The following UNC5D variants were observed in gnomAD, a reference collection of about 807,000 sequenced individuals.
The protein encoded by UNC5D is unc-5 netrin receptor D.
UNC5D carries 39 observed loss-of-function variants against 105.4 expected under a neutral mutation model. That is an observed-to-expected ratio of 0.37 (90% confidence interval 0.29 to 0.48). The LOEUF is 0.48. Among genes scored for constraint, UNC5D ranks in the 20% least tolerant of loss-of-function variants. UNC5D has a pLI of 0.98. For missense variants in UNC5D, 991 were observed against 1,202.4 expected, an observed-to-expected ratio of 0.82 and a Z score of 2.60; for synonymous variants, 452 against 450.4, an observed-to-expected ratio of 1.00 and a Z score of -0.04.
intron 2 of UNC5D, among the ~76,000 whole-genome samples, chr8:35,559,209 C>T (rs1356556494): frequency 2.6e-5 from 4 of 152,018 alleles, no homozygotes; most frequent in South Asian, 2.1e-4. Context: ...GAAAAGGTCC[C>T]GGAAAACAGG....
At chr8:35,648,020 T>C (rs1823166235) in intron 4 of UNC5D, among the ~76,000 whole-genome samples, 1 of 152,180 alleles carries the variant, frequency 6.6e-6, no homozygotes, top group African/African-American at 2.4e-5. Flanking sequence ...TGAAGTCAAC[T>C]GATGGCTACG....
chr8:35,247,496 A>G (rs1474425349), intron 1 of UNC5D, among the ~76,000 whole-genome samples: 2 of 135,382 alleles, frequency 1.5e-5, no homozygotes, highest in Non-Finnish European at 3.0e-5. Context: ...ATCTACTAGG[A>G]GATCCTAAAT....
At chr8:35,280,774 A>T (rs1806093459) in intron 1 of UNC5D, among the ~76,000 whole-genome samples, 1 of 152,124 alleles carries the variant, frequency 6.6e-6, no homozygotes, top group Non-Finnish European at 1.5e-5. Flanking sequence ...TGCCTGAAAG[A>T]GTGTATTTCA....
At chr8:35,270,230 T>C (rs1156608800) in intron 1 of UNC5D, among the ~76,000 whole-genome samples, 1 of 152,160 alleles carries the variant, frequency 6.6e-6, no homozygotes, top group Non-Finnish European at 1.5e-5. Context: ...ACCTAGTGGA[T>C]GCTTGAGTGT....
chr8:35,529,796 A>T (rs1237531926), intron 1 of UNC5D, among the ~76,000 whole-genome samples: 10 of 134,786 alleles, frequency 7.4e-5, no homozygotes, highest in African/African-American at 2.8e-4. Flanking sequence ...TAGGTATTTT[A>T]TTCTCTTTGA....
At chr8:35,758,825 C>A (rs80293089) in intron 13 of UNC5D, among the ~76,000 whole-genome samples, 6,655 of 152,212 alleles carry the variant, frequency 0.044, 370 homozygotes, top group African/African-American at 0.13. Flanking sequence ...GATACATGCA[C>A]ACTGGGACAT....
At position 35,774,926 on chromosome 8, in the gene UNC5D, C is replaced by CAAAAAAAAAA. The variant is rs548702956; in HGVS notation, c.2657+455_2657+464dup. 2.8e-4 allele frequency among the ~76,000 whole-genome samples: 34 copies of CAAAAAAAAAA among 120,368 alleles called. 1 individual carries two copies. The highest frequency in any genetic ancestry group is 1.1e-3 in the African/African-American group (30 of 26,596). 79.0% of individuals were successfully genotyped at this position (120,368 alleles called of 152,430 possible). A position where few individuals can be genotyped will look rare whatever the true frequency, so the allele number is the denominator to read the frequency against. On this transcript the variant is annotated intron_variant, in intron 16 of 16. Coordinates refer to ENST00000404895, the MANE Select transcript of UNC5D (RefSeq NM_080872.4). ...TGGGCAACAGAGTAAGACCCTCCTC[C>CAAAAAAAAAA]AAAAAAAAAAAAAAAGACACTCTGT...
At chr8:35,516,686 T>G (rs1408054142) in intron 1 of UNC5D, among the ~76,000 whole-genome samples, 1 of 152,220 alleles carries the variant, frequency 6.6e-6, no homozygotes, top group Non-Finnish European at 1.5e-5. Flanking sequence ...CCCTTCAACC[T>G]CAGTCTCTGG....
intron 1 of UNC5D, among the ~76,000 whole-genome samples, chr8:35,419,614 C>T (rs772649164): frequency 2.6e-5 from 4 of 152,158 alleles, no homozygotes; most frequent in Non-Finnish European, 5.9e-5. Context: ...CCACCCACAG[C>T]GCAGTGGATG....
chr8:35,579,723 A>G (rs910933635), intron 3 of UNC5D, among the ~76,000 whole-genome samples: 1 of 152,206 alleles, frequency 6.6e-6, no homozygotes, highest in Non-Finnish European at 1.5e-5. Context: ...AGAAGTGAAC[A>G]GGACAAATTA....
chr8:35,618,165 C>T (rs548093105), intron 4 of UNC5D, among the ~76,000 whole-genome samples: 1 of 152,308 alleles, frequency 6.6e-6, no homozygotes, highest in Admixed American at 6.5e-5. Context: ...ACCACCAGAA[C>T]TTGACAAGAG....
intron 4 of UNC5D, among the ~76,000 whole-genome samples, chr8:35,625,383 A>G (rs1821646518): frequency 6.6e-6 from 1 of 152,208 alleles, no homozygotes; most frequent in Non-Finnish European, 1.5e-5. Context: ...TTTAATGGAA[A>G]TGTAAAATAA....
At chr8:35,542,557 G>A (rs1815355492) in intron 1 of UNC5D, among the ~76,000 whole-genome samples, 1 of 152,198 alleles carries the variant, frequency 6.6e-6, no homozygotes, top group African/African-American at 2.4e-5. Context: ...AAAGCCAATA[G>A]TTTTGGGACC....
At chr8:35,558,126 CAAA>C (rs34368244) in intron 2 of UNC5D, among the ~76,000 whole-genome samples, 9 of 84,200 alleles carry the variant, frequency 1.1e-4, no homozygotes, top group Admixed American at 1.4e-4. Flanking sequence ...AACTTCGTCT[CAAA>C]AAAAAAAAAA....
At chr8:35,332,473 GAA>G (rs1810701027) in intron 1 of UNC5D, among the ~76,000 whole-genome samples, 1 of 152,164 alleles carries the variant, frequency 6.6e-6, no homozygotes, top group African/African-American at 2.4e-5. Flanking sequence ...TGTTGAAAAT[GAA>G]AAGATTTCAT....
intron 1 of UNC5D, among the ~76,000 whole-genome samples, chr8:35,521,883 T>C (rs953523668): frequency 3.9e-5 from 6 of 152,320 alleles, no homozygotes; most frequent in African/African-American, 1.4e-4. Context: ...TTGGTTCTCA[T>C]CAGCATTAGC....
chr8:35,277,734 G>T (rs1805868634), intron 1 of UNC5D, among the ~76,000 whole-genome samples: 1 of 152,082 alleles, frequency 6.6e-6, no homozygotes, highest in Admixed American at 6.6e-5. Context: ...ATTGAGTTCT[G>T]CTAAAATAAT....
intron 2 of UNC5D, among the ~76,000 whole-genome samples, chr8:35,565,350 A>AT (rs570762860): frequency 3.9e-5 from 6 of 151,954 alleles, no homozygotes; most frequent in Non-Finnish European, 8.8e-5. Flanking sequence ...AATGTTGAGC[A>AT]TTTTTTTCTA....
intron 1 of UNC5D, among the ~76,000 whole-genome samples, chr8:35,536,133 T>G (rs1563511579): frequency 2.6e-5 from 4 of 152,204 alleles, no homozygotes. Context: ...ATAAATCTGT[T>G]TCTGACTGTG....
Sources: gnomAD v4.1 joint callset for allele counts (sites outside exome capture counted in the v4.1 genomes callset) on GRCh38, gnomAD v4.1.1 for gene constraint, MANE v1.5 for transcripts, NCBI Gene and HGNC (gene_info 2026-07-23, HGNC 2026-07-21) for gene names.